The following SEMA6B variants were observed in gnomAD, a reference collection of about 807,000 sequenced individuals.
SEMA6B encodes the protein semaphorin-6B.
In SEMA6B, 47 loss-of-function variants were observed where a neutral mutation model predicts 78.6. The observed-to-expected ratio is 0.60, with a 90% confidence interval of 0.47 to 0.76. The LOEUF is 0.76. SEMA6B is among the 30% of genes least tolerant of loss of function. The pLI is 0.00. For missense variants in SEMA6B, 1,213 were observed against 1,269.9 expected (o/e 0.96, Z 0.68); for synonymous variants, 632 against 592.2 (o/e 1.07, Z -0.98).
chr19:4,548,069 C>T lies in SEMA6B; in HGVS notation c.1559G>A (p.Arg520Gln), dbSNP rs771462287. 63 of 1,588,900 alleles carry T rather than the reference C, an allele frequency of 4.0e-5. No individual in the cohort carries two copies. In the Admixed American group the frequency reaches 4.6e-4, roughly 12 times the overall value. ...CTGCTGGCAGCGAGCCACAGGCACT[C>T]GGACCACGCAGCGGGGGAAGGCAGC... ...LLAAFPRCVV[R>Q]VPVARCQQYS... The change falls in exon 14 of 17, where the codon CGA (arginine) becomes CAA (glutamine). Residue 520 changes from arginine to glutamine, a missense_variant. Physicochemically the swap from Arg to Gln is conservative, Grantham distance 43. Transcript: ENST00000586582.
chr19:4,557,235 G>T lies in SEMA6B; in HGVS notation c.246-12C>A. 1.3e-6 allele frequency: 2 copies of T among 1,561,168 alleles called. No individual in the cohort carries two copies. The highest frequency in any genetic ancestry group is 1.7e-4 in the Middle Eastern group (1 of 5,780). ...GGTAGAGGTTGTCCCTGGGGGAGGG[G>T]CATAGTTAGTGAGAACTGGGGGCTC... On this transcript the variant is annotated splice_polypyrimidine_tract_variant and intron_variant, in intron 3 of 16. Transcript: ENST00000586582.
intron 3 of SEMA6B, among the ~76,000 whole-genome samples, chr19:4,557,547 C>G (rs1977505985): frequency 6.6e-6 from 1 of 152,226 alleles, no homozygotes; most frequent in African/African-American, 2.4e-5. Flanking sequence ...CCGCCCTGCT[C>G]AACGTCATTG....
In SEMA6B at chr19:4,555,186, T is replaced by C; in HGVS notation, c.563-91A>G. On this transcript the variant is annotated intron_variant, in intron 7 of 16. Transcript: ENST00000586582. This position sits in a 1 kb window ranked among gnomAD's most constrained non-coding sequence, Gnocchi z 6.1. Reference sequence around the variant, plus strand: ...CGAAACTCGATTTTCTGAGACTGAGTCCTGAGCCTAGGGGAGCCCCTGTCT... The same window carrying C: ...CGAAACTCGATTTTCTGAGACTGAGCCCTGAGCCTAGGGGAGCCCCTGTCT... 7.2e-7 allele frequency: 1 copy of C among 1,394,396 alleles called. No individual in the cohort carries two copies. The allele number at this position is 1,394,396 out of a possible 1,614,324, so 86.4% of individuals were successfully genotyped here. A position where few individuals can be genotyped will look rare whatever the true frequency, so the allele number is the denominator to read the frequency against.
At position 4,555,371 on chromosome 19, in the gene SEMA6B, T is replaced by C. The variant is rs537808148; in HGVS notation, c.562+103A>G. 67 of 1,027,154 alleles carry C rather than the reference T, an allele frequency of 6.5e-5. 1 individual carries two copies. In the South Asian group the frequency reaches 8.9e-4, roughly 14 times the overall value. The allele number at this position is 1,027,154 out of a possible 1,614,324, so 63.6% of individuals were successfully genotyped here. On this transcript the variant is annotated intron_variant, in intron 7 of 16. Transcript: ENST00000586582. This position sits in a 1 kb window ranked among gnomAD's most constrained non-coding sequence, Gnocchi z 6.1. ...CTGCCCATGTCACAGCTGGGACAAGTGGTCGTCCAGCTGCCTTCTAAACAA... is the reference window on the plus strand; with the variant it reads ...CTGCCCATGTCACAGCTGGGACAAGCGGTCGTCCAGCTGCCTTCTAAACAA...
chr19:4,542,911 G>A lies in SEMA6B; in HGVS notation c.*690C>T, dbSNP rs370376709. ...CCGCTTCCCTCTGCAGAGTGGGGGGGGTTCAAACTCCTAACCGGCACCTCG... is the reference window on the plus strand; with the variant it reads ...CCGCTTCCCTCTGCAGAGTGGGGGGAGTTCAAACTCCTAACCGGCACCTCG... On this transcript the variant is annotated 3_prime_UTR_variant, in exon 17 of 17. Coordinates refer to ENST00000586582, the MANE Select transcript of SEMA6B (RefSeq NM_032108.4). 2 of 701,056 alleles carry A rather than the reference G, an allele frequency of 2.9e-6. No individual in the cohort carries two copies. Among genetic ancestry groups the A allele is most frequent in the African/African-American group, 3.5e-5 (2 of 57,122 alleles). 43.4% of individuals were successfully genotyped at this position (701,056 alleles called of 1,614,324 possible).
rs747046347 is a variant in SEMA6B, at chr19:4,557,178, C to T, written c.291G>A (p.Glu97=). ...RVELEPPTST[E]LRYQRKLTWR... is the part of the protein sequence containing the mutation. ...CCTTCCTCACCCTCTGGTACCGCAGCTCCGTGGACGTGGGGGGCTCCAGCT... is the reference window on the plus strand; with the variant it reads ...CCTTCCTCACCCTCTGGTACCGCAGTTCCGTGGACGTGGGGGGCTCCAGCT... Residue 97 remains glutamate (E), a synonymous_variant, in exon 4 of 17, where the codon GAG becomes GAA. Transcript: ENST00000586582. 3 of 1,608,402 alleles carry T rather than the reference C, an allele frequency of 1.9e-6. No homozygotes were observed. Among genetic ancestry groups the T allele is most frequent in the Non-Finnish European group, 2.5e-6 (3 of 1,176,956 alleles).
rs1182698083 is a variant in SEMA6B, at chr19:4,554,378, C to T, written c.771+10G>A. 1 of 1,609,842 alleles carries T rather than the reference C, an allele frequency of 6.2e-7. No individual in the cohort carries two copies. Among genetic ancestry groups the T allele is most frequent in the Non-Finnish European group, 8.5e-7 (1 of 1,176,210 alleles). ...CCTCTCAACTTCATGCCCCACTGCACCGGCCTCACCTTCTCCAGGTAGTTA... is the reference window on the plus strand; with the variant it reads ...CCTCTCAACTTCATGCCCCACTGCATCGGCCTCACCTTCTCCAGGTAGTTA... On this transcript the variant is annotated intron_variant, in intron 9 of 16. Transcript: ENST00000586582.
Position 4,556,901 on chromosome 19 carries a change from A to G in SEMA6B, c.369+50T>C, listed in dbSNP as rs1977486267. 4 of 1,532,338 alleles carry G rather than the reference A, an allele frequency of 2.6e-6. No homozygotes were observed. In the East Asian group the frequency reaches 9.2e-5, roughly 35 times the overall value. The allele number at this position is 1,532,338 out of a possible 1,614,324, so 94.9% of individuals were successfully genotyped here. On this transcript the variant is annotated intron_variant, in intron 5 of 16. Transcript: ENST00000586582. ...GGTCTGATTGGGGCGGGGCATGGGT[A>G]ATGCCAGGGCTGATTCGCAGGGGCC...
chr19:4,556,692 C>T (rs1295621583), intron 5 of SEMA6B, among the ~76,000 whole-genome samples: 2 of 151,636 alleles, frequency 1.3e-5, no homozygotes, highest in African/African-American at 4.9e-5. Context: ...ATAGCCAGAA[C>T]TATTTGGGGC....
At position 4,552,253 on chromosome 19, in the gene SEMA6B, G is replaced by C. The variant is rs1977351768; in HGVS notation, c.989+169C>G. ...GCCCAGTTCTGACCAAAGGGACTTA[G>C]AGGGTCAGTGTCAGCTTGTCCCACC... is the stretch of plus-strand genomic sequence containing the variant. On this transcript the variant is annotated intron_variant, in intron 10 of 16. Coordinates refer to ENST00000586582, the MANE Select transcript of SEMA6B (RefSeq NM_032108.4). This position sits in a 1 kb window ranked among gnomAD's most constrained non-coding sequence, Gnocchi z 7.4. Among the ~76,000 whole-genome samples the C allele has an allele frequency of 6.6e-6, 1 of 152,196 alleles. No individual in the cohort carries two copies. The highest frequency in any genetic ancestry group is 2.1e-4 in the South Asian group (1 of 4,834).
chr19:4,554,856 A>G, intron 8 of SEMA6B, 120 bp downstream of exon 8: 1 of 1,245,554 alleles, frequency 8.0e-7, no homozygotes, highest in Non-Finnish European at 1.1e-6. Context: ...CAGATTCCAA[A>G]GATGTGGTGG....
rs1185253182 is a variant in SEMA6B at position 4,552,653 on chromosome 19, TGGAC to T, written c.772-18_772-15del. On this transcript the variant is annotated splice_polypyrimidine_tract_variant and intron_variant, in intron 9 of 16. Coordinates refer to ENST00000586582, the MANE Select transcript of SEMA6B (RefSeq NM_032108.4). This position sits in a 1 kb window ranked among gnomAD's most constrained non-coding sequence, Gnocchi z 7.4. The stretch of plus-strand genomic sequence containing the variant: ...GGACACCACCACCTGGGCGTGACAG[TGGAC>T]GGACGGGGGCCTGAGCTCTGTGTCC... The T allele has an allele frequency of 4.4e-6, 7 of 1,587,382 alleles. No individual in the cohort carries two copies. Among genetic ancestry groups the T allele is most frequent in the Middle Eastern group, 3.4e-4 (2 of 5,904 alleles).
chr19:4,551,074 T>C, intron 10 of SEMA6B, 144 bp from the exon 11 acceptor site: 1 of 904,248 alleles, frequency 1.1e-6, no homozygotes, highest in South Asian at 1.7e-5. Flanking sequence ...CCCGCATCTG[T>C]CGAATGCAGC....
Position 4,558,290 on chromosome 19 carries a change from T to G in SEMA6B, c.121+47A>C. ...CAGCAGACCCAACTGGGAACCCAGA[T>G]ACTCCCACGGGACTCCACCCCCGCC... On this transcript the variant is annotated intron_variant, in intron 2 of 16. Transcript: ENST00000586582. This position sits in a 1 kb window ranked among gnomAD's most constrained non-coding sequence, Gnocchi z 5.1. The G allele has an allele frequency of 1.5e-6, 2 of 1,312,480 alleles. No homozygotes were observed. Among genetic ancestry groups the G allele is most frequent in the East Asian group, 5.8e-5 (2 of 34,498 alleles). The allele number at this position is 1,312,480 out of a possible 1,614,324, so 81.3% of individuals were successfully genotyped here.
chr19:4,556,860 G>A (rs1977484777), intron 5 of SEMA6B, 91 bp downstream of exon 5: 2 of 1,224,824 alleles, frequency 1.6e-6, no homozygotes, highest in Non-Finnish European at 2.3e-6. Context: ...CAGGGCTGGC[G>A]GGGTGGGCGT....
At chr19:4,553,500 G>GGA (rs1706513749) in intron 9 of SEMA6B, among the ~76,000 whole-genome samples, 1 of 137,294 alleles carries the variant, frequency 7.3e-6, no homozygotes, top group Admixed American at 7.4e-5. Flanking sequence ...GGATGGGTGT[G>GGA]TGGGTGGATG....
In SEMA6B at chr19:4,555,496, G is replaced by T. The variant is rs372425355; in HGVS notation, c.540C>A (p.His180Gln). 2 of 1,613,152 alleles carry T rather than the reference G, an allele frequency of 1.2e-6. No individual in the cohort carries two copies. The highest frequency in any genetic ancestry group is 2.2e-5 in the South Asian group (2 of 90,974). The change falls in exon 7 of 17, where the codon CAC becomes CAA. Residue 180 changes from histidine to glutamine, a missense_variant. Physicochemically the swap from His to Gln is conservative, Grantham distance 24 (BLOSUM62 0). Coordinates refer to ENST00000586582, the MANE Select transcript of SEMA6B (RefSeq NM_032108.4). The surrounding 1 kb of genome is among the most constrained non-coding windows in gnomAD (Gnocchi z 6.1). ...TACCAGAGAAGAGGGCAACATTGGC[G>T]TGCTTGGGGTCGTACGGGCAGCGGG... is the stretch of plus-strand genomic sequence containing the variant. ...GMARCPYDPK[H>Q]ANVALFSDGM... is the part of the protein sequence containing the mutation.
Position 4,544,613 on chromosome 19 carries a change from CT to C in SEMA6B, c.1739-85del. The C allele has an allele frequency of 1.4e-6, 1 of 701,768 alleles. No homozygotes were observed. Among genetic ancestry groups the C allele is most frequent in the Non-Finnish European group, 2.0e-6 (1 of 495,194 alleles). The allele number at this position is 701,768 out of a possible 1,614,324, so 43.5% of individuals were successfully genotyped here. A position where few individuals can be genotyped will look rare whatever the true frequency, so the allele number is the denominator to read the frequency against. ...CTACCTCCTCGGGGCCCTCTGTCCT[CT>C]TTTTTATTATTTTTATTTTTTTTTA... On this transcript the variant is annotated intron_variant, in intron 16 of 16. Coordinates refer to ENST00000586582, the MANE Select transcript of SEMA6B (RefSeq NM_032108.4). The surrounding 1 kb of genome is among the most constrained non-coding windows in gnomAD (Gnocchi z 5.1).
At chr19:4,553,808 A>G (rs1241803074) in intron 9 of SEMA6B, among the ~76,000 whole-genome samples, 8 of 135,746 alleles carry the variant, frequency 5.9e-5, no homozygotes, top group Admixed American at 4.5e-4. Context: ...TGGATGGATG[A>G]ATGGATGGGT....
Sources: allele counts gnomAD v4.1 joint callset (sites outside exome capture counted in the v4.1 genomes callset), GRCh38; gene constraint gnomAD v4.1.1; non-coding constraint Gnocchi (gnomAD v3.1); transcripts MANE v1.5; gene names NCBI Gene and HGNC (gene_info 2026-07-23, HGNC 2026-07-21).